The following LRIG1 variants were observed in gnomAD, a reference collection of about 807,000 sequenced individuals.
LRIG1 encodes the protein leucine-rich repeats and immunoglobulin-like domains protein 1.
In LRIG1, 48 loss-of-function variants were observed where a neutral mutation model predicts 99.2. That is an observed-to-expected ratio of 0.48 (90% CI 0.38 to 0.62). The LOEUF is 0.62. LRIG1 is among the 20% of genes least tolerant of loss of function. The pLI is 0.00. For missense variants in LRIG1, 1,646 were observed against 1,434.4 expected, an observed-to-expected ratio of 1.15 and a Z score of -2.38; for synonymous variants, 772 against 596.1, an observed-to-expected ratio of 1.29 and a Z score of -4.30.
intron 3 of LRIG1, among the ~76,000 whole-genome samples, chr3:66,431,206 CAT>C (rs1481585278): frequency 6.6e-6 from 1 of 152,180 alleles, no homozygotes; most frequent in African/African-American, 2.4e-5. Context: ...TGTCAGGGCA[CAT>C]GTGTCCCTGC....
In LRIG1 at chr3:66,451,522, C is replaced by A. The variant is rs367610215; in HGVS notation, c.365+37G>T. The A allele has an allele frequency of 3.1e-6, 5 of 1,595,762 alleles. No homozygotes were observed. In the African/African-American group the frequency reaches 4.0e-5, roughly 13 times the overall value. On this transcript the variant is annotated intron_variant, in intron 3 of 18. Coordinates refer to ENST00000273261, the MANE Select transcript of LRIG1 (RefSeq NM_015541.3). Reference sequence around the variant, plus strand: ...CAAGGCAACAAACACCATGGCCCCACCACACAGCCCAGAGTCCCCCAAACG... The same window carrying A: ...CAAGGCAACAAACACCATGGCCCCAACACACAGCCCAGAGTCCCCCAAACG...
rs770164512 is a variant in LRIG1, at chr3:66,412,979, C to G, written c.683G>C (p.Gly228Ala). 1.2e-6 allele frequency: 2 copies of G among 1,614,218 alleles called. No homozygotes were observed. Among genetic ancestry groups the G allele is most frequent in the Non-Finnish European group, 1.7e-6 (2 of 1,180,030 alleles). The change falls in exon 6 of 19, where the codon GGC becomes GCC. Residue 228 changes from glycine (G) to alanine (A), a missense_variant. Physicochemically the swap from Gly to Ala is moderately conservative, Grantham distance 60. Transcript: ENST00000273261. ...LNRNRIRLIE[G>A]LTFQGLNSLE... ...GCTGTTGAGCCCCTGGAAGGTGAGGCCCTCTATCAGCCGAATCCTGTTCCG... is the reference window on the plus strand; with the variant it reads ...GCTGTTGAGCCCCTGGAAGGTGAGGGCCTCTATCAGCCGAATCCTGTTCCG...
At chr3:66,420,132 A>T (rs1356858101) in intron 3 of LRIG1, among the ~76,000 whole-genome samples, 1 of 152,248 alleles carries the variant, frequency 6.6e-6, no homozygotes, top group East Asian at 1.9e-4. Flanking sequence ...TTTTAAAATG[A>T]GCCAAGAATT....
chr3:66,392,600 AG>A (rs1701665879), intron 12 of LRIG1, among the ~76,000 whole-genome samples: 6 of 139,554 alleles, frequency 4.3e-5, no homozygotes, highest in Non-Finnish European at 7.8e-5. Context: ...TGACGTTTTT[AG>A]AGGGGGGGAA....
chr3:66,379,655 G>A lies in LRIG1; in HGVS notation c.*608C>T, dbSNP rs1575636832. The A allele has an allele frequency of 6.6e-6, 1 of 152,272 alleles. No individual in the cohort carries two copies. The highest frequency in any genetic ancestry group is 1.5e-5 in the Non-Finnish European group (1 of 68,090). The allele number at this position is 152,272 out of a possible 1,614,324, so 9.4% of individuals were successfully genotyped here. On this transcript the variant is annotated 3_prime_UTR_variant, in exon 19 of 19. Transcript: ENST00000273261. ...AGGAAAAGCCATTCACTGCAAGTGT[G>A]GATGGCACTTGCACCCCTGGCTCTA...
chr3:66,395,703 G>T (rs116212924), intron 11 of LRIG1, among the ~76,000 whole-genome samples: 1 of 152,222 alleles, frequency 6.6e-6, no homozygotes, highest in Non-Finnish European at 1.5e-5. Context: ...CGGAAGGGCT[G>T]TAACGGCCAT....
At chr3:66,470,469 A>T (rs745344612) in intron 1 of LRIG1, among the ~76,000 whole-genome samples, 1 of 152,200 alleles carries the variant, frequency 6.6e-6, no homozygotes, top group Non-Finnish European at 1.5e-5. Context: ...TAAAATAAGC[A>T]AACAAAAAGG....
chr3:66,484,056 C>T (rs569478396), intron 1 of LRIG1, among the ~76,000 whole-genome samples: 119 of 152,316 alleles, frequency 7.8e-4, no homozygotes, highest in South Asian at 2.1e-3. Context: ...TTTTCAACTT[C>T]GGTTCTATTT....
chr3:66,483,274 C>T (rs1192515224), intron 1 of LRIG1, among the ~76,000 whole-genome samples: 7 of 152,286 alleles, frequency 4.6e-5, no homozygotes, highest in Admixed American at 2.6e-4. Context: ...CAGCTGGGTT[C>T]GCAGTGCTCT....
chr3:66,468,519 T>A (rs996834376), intron 1 of LRIG1, among the ~76,000 whole-genome samples: 2 of 152,194 alleles, frequency 1.3e-5, no homozygotes, highest in Non-Finnish European at 2.9e-5. Flanking sequence ...AGCGCCACAG[T>A]ATTTTGCATA....
chr3:66,410,160 C>A lies in LRIG1; in HGVS notation c.904G>T (p.Gly302Cys), dbSNP rs1418331241. The A allele has an allele frequency of 1.2e-6, 2 of 1,613,908 alleles. No homozygotes were observed. Among genetic ancestry groups the A allele is most frequent in the East Asian group, 2.2e-5 (1 of 44,902 alleles). ...TGCAGCTTCTGGCAGAAGCTCCAGC[C>A]CTTGCGGTGAATGCGAGCGATGGAA... is the stretch of plus-strand genomic sequence containing the variant. ...NNSIARIHRKGWSFCQKLHEL... is the reference protein window; with the variant it reads ...NNSIARIHRKCWSFCQKLHEL... The change falls in exon 7 of 19, where the codon GGC becomes TGC. Residue 302 changes from glycine to cysteine, a missense_variant. Physicochemically the swap from Gly to Cys is radical, Grantham distance 159 (BLOSUM62 -3). Transcript: ENST00000273261.
chr3:66,478,964 G>A (rs1245240873), intron 1 of LRIG1, among the ~76,000 whole-genome samples: 2 of 152,066 alleles, frequency 1.3e-5, no homozygotes, highest in East Asian at 1.9e-4. Flanking sequence ...TGCAGGCCTC[G>A]GCTCCCTTTC....
chr3:66,483,980 T>C (rs1440481732), intron 1 of LRIG1, among the ~76,000 whole-genome samples: 1 of 152,238 alleles, frequency 6.6e-6, no homozygotes, highest in Non-Finnish European at 1.5e-5. Flanking sequence ...TATGGGACTT[T>C]TCCAAAATTC....
chr3:66,385,778 A>G (rs1438226085), intron 13 of LRIG1, among the ~76,000 whole-genome samples: 1 of 152,234 alleles, frequency 6.6e-6, no homozygotes, highest in Non-Finnish European at 1.5e-5. Context: ...AAACTCACCA[A>G]AAACAAGTAA....
At chr3:66,429,888 G>A (rs1703106628) in intron 3 of LRIG1, among the ~76,000 whole-genome samples, 1 of 151,648 alleles carries the variant, frequency 6.6e-6, no homozygotes, top group South Asian at 2.1e-4. Flanking sequence ...ACTTACAACT[G>A]CTATAAAAGT....
At chr3:66,491,295 G>C (rs557480061) in intron 1 of LRIG1, among the ~76,000 whole-genome samples, 24 of 152,256 alleles carry the variant, frequency 1.6e-4, no homozygotes, top group Non-Finnish European at 2.5e-4. Flanking sequence ...CTTTTTAAAT[G>C]ATCTATTCCA....
chr3:66,485,806 G>A (rs763683275), intron 1 of LRIG1, among the ~76,000 whole-genome samples: 1 of 151,930 alleles, frequency 6.6e-6, no homozygotes, highest in Non-Finnish European at 1.5e-5. Flanking sequence ...TGACACACAC[G>A]CCTACCAACA....
Position 66,494,239 on chromosome 3 carries a change from A to G in LRIG1, c.218+5951T>C, listed in dbSNP as rs1324347441. Among the ~76,000 whole-genome samples, 8 of 152,172 alleles carry G rather than the reference A, an allele frequency of 5.3e-5. No homozygotes were observed. The East Asian group carries it at 1.5e-3, about 29-fold the overall frequency. On this transcript the variant is annotated intron_variant, in intron 1 of 18. Coordinates refer to ENST00000273261, the MANE Select transcript of LRIG1 (RefSeq NM_015541.3). The stretch of plus-strand genomic sequence containing the variant: ...TTTTTCTGTCTTTTTAGACATGAAG[A>G]GGTTTGCCCAAAATCACACATGTAG...
rs71616223 is a variant in LRIG1 at position 66,497,704 on chromosome 3, C to CAAAAAAAAAAAAAAAAAAAA, written c.218+2466_218+2485dup. Among the ~76,000 whole-genome samples the CAAAAAAAAAAAAAAAAAAAA allele has an allele frequency of 2.2e-5, 2 of 89,264 alleles. 1 individual carries two copies. Among genetic ancestry groups the CAAAAAAAAAAAAAAAAAAAA allele is most frequent in the Non-Finnish European group, 4.0e-5 (2 of 50,432 alleles). The allele number at this position is 89,264 out of a possible 152,430, so 58.6% of individuals were successfully genotyped here. On this transcript the variant is annotated intron_variant, in intron 1 of 18. Coordinates refer to ENST00000273261, the MANE Select transcript of LRIG1 (RefSeq NM_015541.3). The stretch of plus-strand genomic sequence containing the variant: ...ACTTCCACATCAGACGCACTGTTTA[C>CAAAAAAAAAAAAAAAAAAAA]AAAAAAAAAAAAAAAAAAAAAAAAG...
Sources: allele counts gnomAD v4.1 joint callset (sites outside exome capture counted in the v4.1 genomes callset), GRCh38; gene constraint gnomAD v4.1.1; transcripts MANE v1.5; gene names NCBI Gene and HGNC (gene_info 2026-07-23, HGNC 2026-07-21).